PTCHD4: variants seen among roughly 807,000 people sequenced by gnomAD.
PTCHD4 encodes patched domain containing 4.
PTCHD4 carries 33 observed loss-of-function variants against 58.1 expected under a neutral mutation model. That is an observed-to-expected ratio of 0.57 (90% CI 0.43 to 0.76). The LOEUF is 0.76. Ranked by LOEUF, PTCHD4 falls within the 30% of genes least tolerant of loss-of-function variation. The probability of loss-of-function intolerance (pLI) is 0.00; values close to 1 mark genes in which losing one functional copy is unlikely to be tolerated. For synonymous variants in PTCHD4, 478 were observed against 409.6 expected, an observed-to-expected ratio of 1.17 and a Z score of -2.02; for missense variants, 1,058 against 1,027.1, an observed-to-expected ratio of 1.03 and a Z score of -0.41.
intron 1 of PTCHD4, among the ~76,000 whole-genome samples, chr6:48,076,347 AAACTC>A (rs1429522273): frequency 6.6e-6 from 1 of 152,216 alleles, no homozygotes; most frequent in African/African-American, 2.4e-5. Flanking sequence ...AACTTCCTCC[AAACTC>A]CTATTGATGA....
intron 4 of PTCHD4, among the ~76,000 whole-genome samples, chr6:47,982,306 A>T (rs964814846): frequency 6.6e-6 from 1 of 151,806 alleles, no homozygotes; most frequent in Admixed American, 6.6e-5. Flanking sequence ...CTCCCTTTGG[A>T]TTTTCTCCAA....
intron 3 of PTCHD4, among the ~76,000 whole-genome samples, chr6:48,025,923 G>T (rs145870413): frequency 6.6e-6 from 1 of 152,138 alleles, no homozygotes; most frequent in Non-Finnish European, 1.5e-5. Context: ...AAAATAAAGA[G>T]ATCTCCCTAG....
intron 4 of PTCHD4, among the ~76,000 whole-genome samples, chr6:47,884,999 T>C (rs1443278101): frequency 1.3e-5 from 2 of 152,218 alleles, no homozygotes; most frequent in Admixed American, 1.3e-4. Context: ...CGAGCTGGTA[T>C]ACTATTGTCC....
intron 4 of PTCHD4, among the ~76,000 whole-genome samples, chr6:47,910,393 A>AT (rs1207656226): frequency 6.6e-6 from 1 of 152,042 alleles, no homozygotes; most frequent in Non-Finnish European, 1.5e-5. Context: ...GGGAGGGCAT[A>AT]TTACTTTGCA....
At chr6:48,006,417 G>T (rs1228658148) in intron 4 of PTCHD4, among the ~76,000 whole-genome samples, 1 of 152,134 alleles carries the variant, frequency 6.6e-6, no homozygotes, top group Non-Finnish European at 1.5e-5. Context: ...TCTGGTAAAT[G>T]CTTTCATTAC....
At chr6:48,105,423 C>T (rs184403691) in intron 1 of PTCHD4, among the ~76,000 whole-genome samples, 141 of 152,244 alleles carry the variant, frequency 9.3e-4, no homozygotes, top group Non-Finnish European at 1.7e-3. Flanking sequence ...CACAACATAC[C>T]AGAATCTCTG....
intron 3 of PTCHD4, among the ~76,000 whole-genome samples, chr6:48,054,731 TA>T (rs959052716): frequency 5.9e-5 from 9 of 152,136 alleles, no homozygotes; most frequent in Non-Finnish European, 1.3e-4. Flanking sequence ...ATAAATAGGA[TA>T]AAAAATAACA....
intron 4 of PTCHD4, among the ~76,000 whole-genome samples, chr6:47,903,381 A>G (rs1159459914): frequency 6.6e-6 from 1 of 152,052 alleles, no homozygotes; most frequent in Non-Finnish European, 1.5e-5. Context: ...CAGTGGCACA[A>G]TCTCAGTTCA....
chr6:47,963,336 A>G (rs148025292), intron 4 of PTCHD4, among the ~76,000 whole-genome samples: 17 of 152,274 alleles, frequency 1.1e-4, no homozygotes, highest in African/African-American at 3.4e-4. Context: ...AAATAAAAAG[A>G]TAAGTCTTGG....
intron 4 of PTCHD4, among the ~76,000 whole-genome samples, chr6:47,976,638 G>A (rs1202450429): frequency 6.7e-6 from 1 of 149,062 alleles, no homozygotes; most frequent in Non-Finnish European, 1.5e-5. Context: ...TGGGCCACAA[G>A]AGCGGGACTC....
chr6:47,968,608 T>C (rs1767384812), intron 4 of PTCHD4, among the ~76,000 whole-genome samples: 1 of 152,178 alleles, frequency 6.6e-6, no homozygotes, highest in Non-Finnish European at 1.5e-5. Context: ...CCTAATGAAC[T>C]AGGTGCTTTC....
At chr6:48,007,805 C>T (rs1314475164) in intron 4 of PTCHD4, among the ~76,000 whole-genome samples, 2 of 151,896 alleles carry the variant, frequency 1.3e-5, no homozygotes, top group African/African-American at 4.8e-5. Flanking sequence ...TGTGTAGAAC[C>T]CTCTTGCTGA....
chr6:47,997,673 T>C (rs1251096345), intron 4 of PTCHD4, among the ~76,000 whole-genome samples: 3 of 152,182 alleles, frequency 2.0e-5, no homozygotes, highest in Non-Finnish European at 4.4e-5. Context: ...AATATTAGAA[T>C]TTTGTCTTGG....
intron 4 of PTCHD4, among the ~76,000 whole-genome samples, chr6:47,885,621 T>G (rs1236630914): frequency 6.6e-6 from 1 of 152,190 alleles, no homozygotes; most frequent in African/African-American, 2.4e-5. Context: ...CCGTTTGAGC[T>G]TCTAGTAATC....
intron 4 of PTCHD4, among the ~76,000 whole-genome samples, chr6:47,963,642 A>G (rs1767180816): frequency 6.6e-6 from 1 of 152,210 alleles, no homozygotes; most frequent in South Asian, 2.1e-4. Context: ...ACAATGATAT[A>G]CTATTCAGCC....
chr6:47,918,281 A>G (rs1039299872), intron 4 of PTCHD4, among the ~76,000 whole-genome samples: 1 of 152,170 alleles, frequency 6.6e-6, no homozygotes, highest in African/African-American at 2.4e-5. Flanking sequence ...GGCATAGTTA[A>G]TGTAGTAAAG....
At chr6:47,888,022 T>C (rs991726052) in intron 4 of PTCHD4, among the ~76,000 whole-genome samples, 2 of 152,178 alleles carry the variant, frequency 1.3e-5, no homozygotes, top group South Asian at 4.1e-4. Context: ...GTGACTTCAC[T>C]TGAAATATTC....
rs2113860924 is a variant in PTCHD4, at chr6:47,907,224, G to A, written c.899-27288C>T. Among the ~76,000 whole-genome samples the A allele has an allele frequency of 2.0e-5, 3 of 152,268 alleles. No homozygotes were observed. The Middle Eastern group carries it at 0.01, about 518-fold the overall frequency. ...GACTGTTTGCCTCCTCATGAGACCA[G>A]TAAAATTTCCTGAGATTCTGCAGCC... On this transcript the variant is annotated intron_variant, in intron 4 of 4. Transcript: ENST00000339488.
chr6:48,082,415 T>C lies in PTCHD4; in HGVS notation c.-969-12489A>G, dbSNP rs1765184195. ...GTCATTTCTGATCTGTGAACTGGAA[T>C]AATTTCCTGATGATAGGACAGTCTC... is the stretch of plus-strand genomic sequence containing the variant. On this transcript the variant is annotated intron_variant, in intron 1 of 4. Coordinates refer to ENST00000339488, the MANE Select transcript of PTCHD4 (RefSeq NM_001384253.1). 4.6e-5 allele frequency among the ~76,000 whole-genome samples: 7 copies of C among 152,334 alleles called. No individual in the cohort carries two copies. The South Asian group carries it at 1.5e-3, about 32-fold the overall frequency.
Sources: gnomAD v4.1 joint callset for allele counts (sites outside exome capture counted in the v4.1 genomes callset) on GRCh38, gnomAD v4.1.1 for gene constraint, MANE v1.5 for transcripts, NCBI Gene and HGNC (gene_info 2026-07-23, HGNC 2026-07-21) for gene names.